The following TECPR2 variants were observed in gnomAD, a reference collection of about 807,000 sequenced individuals.
TECPR2 encodes the protein tectonin beta-propeller repeat-containing protein 2.
TECPR2 carries 65 observed loss-of-function variants against 138.1 expected under a neutral mutation model. The observed-to-expected ratio is 0.47, with a 90% confidence interval of 0.39 to 0.58. TECPR2 has a LOEUF of 0.58. Among genes scored for constraint, TECPR2 ranks in the 20% least tolerant of loss-of-function variants. The probability of loss-of-function intolerance (pLI) is 0.00; values close to 1 mark genes in which losing one functional copy is unlikely to be tolerated. For missense variants in TECPR2, 1,553 were observed against 1,824.5 expected, an observed-to-expected ratio of 0.85 and a Z score of 2.71; for synonymous variants, 746 against 749.8, an observed-to-expected ratio of 0.99 and a Z score of 0.08.
intron 1 of TECPR2, among the ~76,000 whole-genome samples, chr14:102,367,247 G>A (rs1037694815): frequency 5.3e-5 from 8 of 152,080 alleles, no homozygotes; most frequent in African/African-American, 1.7e-4. Context: ...TTTTTGGGGG[G>A]TAACAGCTTT....
At chr14:102,433,494 T>TTTTATTTATTTA (rs10667656) in intron 8 of TECPR2, among the ~76,000 whole-genome samples, 3 of 149,988 alleles carry the variant, frequency 2.0e-5, no homozygotes, top group African/African-American at 4.9e-5. Flanking sequence ...CATTCTTTAT[T>TTTTATTTATTTA]TTTATTTATT....
chr14:102,484,126 C>G lies in TECPR2; in HGVS notation c.3790-12853C>G, dbSNP rs528006293. On this transcript the variant is annotated intron_variant, in intron 17 of 19. Coordinates refer to ENST00000359520, the MANE Select transcript of TECPR2 (RefSeq NM_014844.5). ...GGCTTCCTTTTGTATTGTGGACTTT[C>G]TAAGCTGGCCTCCACTTTTCCTTTC... Among the ~76,000 whole-genome samples the G allele has an allele frequency of 6.6e-5, 10 of 152,188 alleles. No individual in the cohort carries two copies. In the South Asian group the frequency reaches 2.1e-3, roughly 32 times the overall value.
intron 8 of TECPR2, among the ~76,000 whole-genome samples, chr14:102,432,580 A>G (rs964729416): frequency 6.6e-6 from 1 of 152,014 alleles, no homozygotes; most frequent in Non-Finnish European, 1.5e-5. Context: ...TTTTTAGTAG[A>G]TACAGGGTTT....
intron 5 of TECPR2, among the ~76,000 whole-genome samples, chr14:102,424,491 T>C (rs568796782): frequency 2.6e-5 from 4 of 152,288 alleles, no homozygotes; most frequent in Admixed American, 2.6e-4. Flanking sequence ...TGCGCCACCA[T>C]GCCTGGCTAA....
Position 102,407,471 on chromosome 14 carries a change from G to GTA in TECPR2, c.348+6_348+7dup. On this transcript the variant is annotated splice_donor_region_variant and intron_variant, in intron 3 of 19. Coordinates refer to ENST00000359520, the MANE Select transcript of TECPR2 (RefSeq NM_014844.5). ...TTGCCAGGGAGAAATAAACAGGTGA[G>GTA]TACTCATGATCTTAACACGTGTTAA... 1 of 1,608,334 alleles carries GTA rather than the reference G, an allele frequency of 6.2e-7. No homozygotes were observed. The highest frequency in any genetic ancestry group is 1.1e-5 in the South Asian group (1 of 89,952).
chr14:102,459,693 G>A (rs1012837212), intron 16 of TECPR2, among the ~76,000 whole-genome samples: 3 of 152,194 alleles, frequency 2.0e-5, no homozygotes, highest in African/African-American at 4.8e-5. Context: ...GCTTGAACCC[G>A]GGAGGTGGAG....
rs1362546589 is a variant in TECPR2, at chr14:102,498,854, T to C, written c.*597T>C. 29 of 642,584 alleles carry C rather than the reference T, an allele frequency of 4.5e-5. No individual in the cohort carries two copies. The Admixed American group carries it at 6.0e-4, about 13-fold the overall frequency. 39.8% of individuals were successfully genotyped at this position (642,584 alleles called of 1,614,324 possible). A position where few individuals can be genotyped will look rare whatever the true frequency, so the allele number is the denominator to read the frequency against. On this transcript the variant is annotated 3_prime_UTR_variant, in exon 20 of 20. Transcript: ENST00000359520. ...CATGCCAGGAGAGAACCCACGCACA[T>C]GCACACCACAACACACAACACACCT...
intron 3 of TECPR2, 47 bp from the exon 4 acceptor site, chr14:102,408,441 A>G: frequency 6.4e-7 from 1 of 1,569,730 alleles, no homozygotes; most frequent in Non-Finnish European, 8.6e-7. Context: ...AGCTCACAGC[A>G]TTTATCCTTT....
At chr14:102,493,828 G>A (rs898155455) in intron 17 of TECPR2, among the ~76,000 whole-genome samples, 8 of 152,220 alleles carry the variant, frequency 5.3e-5, no homozygotes, top group Non-Finnish European at 8.8e-5. Context: ...GTGCATCTGA[G>A]GTTCTGCGTG....
chr14:102,397,178 G>C lies in TECPR2; in HGVS notation c.220-10160G>C, dbSNP rs7149142. Reference sequence around the variant, plus strand: ...ATACCCAAGACTGATCTTTGGCACAGACGGCCTACAGTAAACAAAAAGAAT... The same window carrying C: ...ATACCCAAGACTGATCTTTGGCACACACGGCCTACAGTAAACAAAAAGAAT... On this transcript the variant is annotated intron_variant, in intron 2 of 19. Transcript: ENST00000359520. Among the ~76,000 whole-genome samples, 936 of 152,268 alleles carry C rather than the reference G, an allele frequency of 6.1e-3. 13 individuals are homozygous for C. The highest frequency in any genetic ancestry group is 0.021 in the African/African-American group (887 of 41,554).
intron 17 of TECPR2, among the ~76,000 whole-genome samples, chr14:102,488,417 G>A (rs1359801882): frequency 1.3e-5 from 2 of 149,200 alleles, no homozygotes; most frequent in Admixed American, 1.3e-4. Flanking sequence ...TTGACTCACC[G>A]CAACCTCTGC....
At chr14:102,464,716 G>A (rs1007320371) in intron 16 of TECPR2, among the ~76,000 whole-genome samples, 6 of 152,176 alleles carry the variant, frequency 3.9e-5, no homozygotes, top group Admixed American at 3.9e-4. Flanking sequence ...AAGATTATCT[G>A]TAAATACGAG....
intron 2 of TECPR2, among the ~76,000 whole-genome samples, chr14:102,385,391 C>T (rs1282824204): frequency 6.6e-6 from 1 of 152,024 alleles, no homozygotes; most frequent in African/African-American, 2.4e-5. Context: ...CAGACTTCAA[C>T]ATAAATTTTG....
intron 4 of TECPR2, among the ~76,000 whole-genome samples, chr14:102,410,488 AT>A (rs1337233693): frequency 0.042 from 2,972 of 71,262 alleles, 30 homozygotes; most frequent in Middle Eastern, 0.1. Context: ...AAAATAAAAA[AT>A]AAAAAATAAA....
At chr14:102,461,865 C>T (rs1476460149) in intron 16 of TECPR2, among the ~76,000 whole-genome samples, 2 of 152,166 alleles carry the variant, frequency 1.3e-5, no homozygotes, top group East Asian at 1.9e-4. Context: ...TCTCTGCCAC[C>T]GCGTTCACCA....
At chr14:102,483,791 C>CTTTT (rs71119708) in intron 17 of TECPR2, among the ~76,000 whole-genome samples, 15 of 92,426 alleles carry the variant, frequency 1.6e-4, no homozygotes, top group East Asian at 3.4e-4. Flanking sequence ...TTTTCCTTTT[C>CTTTT]TTTTTTTTTT....
Position 102,449,622 on chromosome 14 carries a change from C to T in TECPR2, c.3076-7C>T. On this transcript the variant is annotated splice_region_variant and splice_polypyrimidine_tract_variant and intron_variant, in intron 13 of 19. Coordinates refer to ENST00000359520, the MANE Select transcript of TECPR2 (RefSeq NM_014844.5). ...CAGCAGGGCTTTTGCTTGTCTCCTCCTTCCAGGTGAGCATCACGGACTATG... is the reference window on the plus strand; with the variant it reads ...CAGCAGGGCTTTTGCTTGTCTCCTCTTTCCAGGTGAGCATCACGGACTATG... 6.2e-7 allele frequency: 1 copy of T among 1,613,620 alleles called. No homozygotes were observed. The highest frequency in any genetic ancestry group is 8.5e-7 in the Non-Finnish European group (1 of 1,179,696).
intron 7 of TECPR2, among the ~76,000 whole-genome samples, chr14:102,429,015 T>C (rs550251303): frequency 4.7e-4 from 72 of 152,096 alleles, no homozygotes; most frequent in Non-Finnish European, 1.0e-3. Context: ...GCCAGGCTAA[T>C]TTTGTATTTT....
In TECPR2 at chr14:102,445,154, G is replaced by C. The variant is rs564043999; in HGVS notation, c.2934-652G>C. On this transcript the variant is annotated intron_variant, in intron 12 of 19. Coordinates refer to ENST00000359520, the MANE Select transcript of TECPR2 (RefSeq NM_014844.5). ...CTGAGGGAACCATGGACTCCATGCA[G>C]AGATCAGGAAGGCAGCATGCAGAGT... Among the ~76,000 whole-genome samples the C allele has an allele frequency of 2.4e-4, 37 of 152,352 alleles. 1 individual carries two copies. The highest frequency in any genetic ancestry group is 8.9e-4 in the African/African-American group (37 of 41,578).
Sources: allele counts gnomAD v4.1 joint callset (sites outside exome capture counted in the v4.1 genomes callset), GRCh38; gene constraint gnomAD v4.1.1; transcripts MANE v1.5; gene names NCBI Gene and HGNC (gene_info 2026-07-23, HGNC 2026-07-21).